NLGN1: variants seen among roughly 807,000 people sequenced by gnomAD.
NLGN1 encodes neuroligin-1.
Under a neutral mutation model 65.5 loss-of-function variants are expected in NLGN1, and 12 were observed. The ratio of observed to expected loss-of-function variants is 0.18; its 90% CI spans 0.12 to 0.30. The LOEUF (loss-of-function observed/expected upper bound fraction) is 0.30. NLGN1 is among the 10% of genes least tolerant of loss of function. The pLI, the probability that NLGN1 is intolerant of heterozygous loss-of-function variation, is 1.00. For synonymous variants in NLGN1, 350 were observed against 359.5 expected (o/e 0.97, Z 0.30); for missense variants, 750 against 1,007.1 (o/e 0.74, Z 3.46).
At chr3:173,661,976 C>G (rs1488631476) in intron 3 of NLGN1, among the ~76,000 whole-genome samples, 1 of 151,984 alleles carries the variant, frequency 6.6e-6, no homozygotes, top group Non-Finnish European at 1.5e-5. Flanking sequence ...AGGCTGATTG[C>G]TGAAGGCATT....
At chr3:173,865,581 A>G (rs1729987502) in intron 4 of NLGN1, among the ~76,000 whole-genome samples, 1 of 152,164 alleles carries the variant, frequency 6.6e-6, no homozygotes, top group African/African-American at 2.4e-5. Context: ...TAGATTTTTA[A>G]AAAAACAACA....
chr3:173,542,062 C>T (rs1000059197), intron 2 of NLGN1, among the ~76,000 whole-genome samples: 1 of 151,954 alleles, frequency 6.6e-6, no homozygotes, highest in African/African-American at 2.4e-5. Flanking sequence ...GTTACTGGGA[C>T]CTCTCTGTTT....
chr3:173,922,074 T>C (rs1425182319), intron 4 of NLGN1, among the ~76,000 whole-genome samples: 1 of 152,146 alleles, frequency 6.6e-6, no homozygotes, highest in Admixed American at 6.6e-5. Context: ...TTTGCTACTT[T>C]AATCAGTTTC....
chr3:173,557,292 G>C (rs1447407924), intron 2 of NLGN1, among the ~76,000 whole-genome samples: 1 of 151,990 alleles, frequency 6.6e-6, no homozygotes, highest in African/African-American at 2.4e-5. Flanking sequence ...CTTGTAATTA[G>C]GGTTTGTATG....
intron 4 of NLGN1, among the ~76,000 whole-genome samples, chr3:174,184,465 T>C (rs1183058240): frequency 6.6e-6 from 1 of 152,180 alleles, no homozygotes. Context: ...CTCCCAAAAT[T>C]TTAATACTTT....
intron 4 of NLGN1, among the ~76,000 whole-genome samples, chr3:173,886,873 TC>T (rs1734435869): frequency 6.6e-6 from 1 of 152,020 alleles, no homozygotes; most frequent in South Asian, 2.1e-4. Flanking sequence ...TATCTTGATT[TC>T]CCTTGCACTA....
At chr3:173,745,467 CT>C (rs138024712) in intron 3 of NLGN1, among the ~76,000 whole-genome samples, 1 of 151,406 alleles carries the variant, frequency 6.6e-6, no homozygotes, top group Non-Finnish European at 1.5e-5. Flanking sequence ...ACATCTAAAG[CT>C]TTTTTTTACG....
At chr3:173,845,931 A>G (rs1028411728) in intron 4 of NLGN1, among the ~76,000 whole-genome samples, 1 of 151,942 alleles carries the variant, frequency 6.6e-6, no homozygotes, top group African/African-American at 2.4e-5. Flanking sequence ...TGTGTTACTC[A>G]TCTCTAGGAT....
chr3:173,581,535 A>G (rs573469344), intron 2 of NLGN1, among the ~76,000 whole-genome samples: 1 of 152,124 alleles, frequency 6.6e-6, no homozygotes, highest in African/African-American at 2.4e-5. Context: ...AGAAAGAGCT[A>G]GTTGAGGATT....
chr3:173,435,078 A>G (rs1467154813), exon 2 of NLGN1: 1 of 152,648 alleles, frequency 6.6e-6, no homozygotes, highest in East Asian at 1.9e-4. Context: ...CTGGAGTGGC[A>G]GTAAGTTCTC....
chr3:174,150,061 C>T (rs1040594011), intron 4 of NLGN1, among the ~76,000 whole-genome samples: 24 of 152,090 alleles, frequency 1.6e-4, no homozygotes, highest in Admixed American at 5.2e-4. Context: ...TGTCCTTATA[C>T]GCTATAATTG....
chr3:174,148,542 A>G (rs1723764356), intron 4 of NLGN1, among the ~76,000 whole-genome samples: 1 of 152,148 alleles, frequency 6.6e-6, no homozygotes, highest in Admixed American at 6.5e-5. Context: ...AGTAACATAT[A>G]ATTAATACTC....
chr3:173,648,554 A>G (rs1758640966), intron 3 of NLGN1, among the ~76,000 whole-genome samples: 1 of 152,030 alleles, frequency 6.6e-6, no homozygotes, highest in Non-Finnish European at 1.5e-5. Flanking sequence ...ACAACTGGGT[A>G]GATTCTTCTT....
chr3:173,762,328 A>G (rs1051252156), intron 3 of NLGN1, among the ~76,000 whole-genome samples: 1 of 152,076 alleles, frequency 6.6e-6, no homozygotes, highest in African/African-American at 2.4e-5. Flanking sequence ...AAAGCAGTTT[A>G]CTATAACACT....
At chr3:173,920,754 G>A (rs1279195714) in intron 4 of NLGN1, 2 of 152,048 alleles carry the variant, frequency 1.3e-5, no homozygotes, top group African/African-American at 2.4e-5. Context: ...AAGTGCTCCA[G>A]GTCTTTCAAC....
intron 4 of NLGN1, among the ~76,000 whole-genome samples, chr3:174,207,218 A>G (rs2152784343): frequency 6.9e-6 from 1 of 144,330 alleles, no homozygotes; most frequent in East Asian, 2.0e-4. Flanking sequence ...AAAAAAAAAA[A>G]GACAAGCATT....
chr3:173,598,335 A>G (rs1749855641), intron 2 of NLGN1, among the ~76,000 whole-genome samples: 1 of 152,164 alleles, frequency 6.6e-6, no homozygotes, highest in Non-Finnish European at 1.5e-5. Flanking sequence ...CTGCTGTTAC[A>G]TCATATATTC....
At chr3:173,991,438 G>A (rs930182117) in intron 4 of NLGN1, among the ~76,000 whole-genome samples, 2 of 152,184 alleles carry the variant, frequency 1.3e-5, no homozygotes, top group African/African-American at 4.8e-5. Flanking sequence ...CTCTAGAGCA[G>A]GGCTGTCAAA....
At chr3:173,998,491 A>C (rs1722691488) in intron 4 of NLGN1, among the ~76,000 whole-genome samples, 1 of 152,344 alleles carries the variant, frequency 6.6e-6, no homozygotes, top group African/African-American at 2.4e-5. Flanking sequence ...GTCAGGATTC[A>C]CTTGATTATG....
Sources: gnomAD v4.1 joint callset for allele counts (sites outside exome capture counted in the v4.1 genomes callset) on GRCh38, gnomAD v4.1.1 for gene constraint, MANE v1.5 for transcripts, NCBI Gene and HGNC (gene_info 2026-07-23, HGNC 2026-07-21) for gene names.